The following PSMC1 variants were observed in gnomAD, a reference collection of about 807,000 sequenced individuals.
PSMC1 encodes the protein proteasome 26S subunit, ATPase 1.
PSMC1 carries 5 observed loss-of-function variants against 49.8 expected under a neutral mutation model. That is an observed-to-expected ratio of 0.10 (90% CI 0.05 to 0.21). The LOEUF (loss-of-function observed/expected upper bound fraction) is 0.21. PSMC1 is among the 10% of genes least tolerant of loss of function. PSMC1 has a pLI of 1.00. For synonymous variants in PSMC1, 155 were observed against 192.1 expected, an observed-to-expected ratio of 0.81 and a Z score of 1.60; for missense variants, 181 against 535.7, an observed-to-expected ratio of 0.34 and a Z score of 6.54.
At chr14:90,258,838 TC>T (rs1403455774) in intron 1 of PSMC1, among the ~76,000 whole-genome samples, 2 of 152,222 alleles carry the variant, frequency 1.3e-5, no homozygotes, top group Admixed American at 6.5e-5. Context: ...CTCCATATTT[TC>T]CCCTCAAGAG....
In PSMC1 at chr14:90,273,395, T is replaced by TAA. The variant is rs1364611802; in HGVS notation, c.*992_*993dup. 6.6e-6 allele frequency: 1 copy of TAA among 152,026 alleles called. No individual in the cohort carries two copies. Among genetic ancestry groups the TAA allele is most frequent in the Non-Finnish European group, 1.5e-5 (1 of 68,016 alleles). The allele number at this position is 152,026 out of a possible 1,614,324, so 9.4% of individuals were successfully genotyped here. A position where few individuals can be genotyped will look rare whatever the true frequency, so the allele number is the denominator to read the frequency against. ...CAACATGGTGAAACCCCATCTTTAC[T>TAA]AAAAATACAAAAATTAGCTGTGCGT... On this transcript the variant is annotated 3_prime_UTR_variant, in exon 11 of 11. Coordinates refer to ENST00000261303, the MANE Select transcript of PSMC1 (RefSeq NM_002802.3).
At chr14:90,266,668 A>G (rs3783838) in intron 7 of PSMC1, among the ~76,000 whole-genome samples, 54,301 of 152,098 alleles carry the variant, frequency 0.36, 10,195 homozygotes, top group East Asian at 0.51. Context: ...GACTGGACAA[A>G]CAAGTCTGTC....
At chr14:90,261,296 T>A (rs978809734) in intron 3 of PSMC1, among the ~76,000 whole-genome samples, 2 of 152,214 alleles carry the variant, frequency 1.3e-5, no homozygotes, top group African/African-American at 4.8e-5. Context: ...CTCATCTAAA[T>A]ATGCTCTTCC....
intron 9 of PSMC1, 186 bp downstream of exon 9, chr14:90,269,734 C>T (rs1279069548): frequency 9.4e-6 from 5 of 531,154 alleles, no homozygotes; most frequent in Non-Finnish European, 1.6e-5. Flanking sequence ...GGTCTGTGCA[C>T]CTTGGCCCTT....
Position 90,268,321 on chromosome 14 carries a change from G to T in PSMC1, c.789G>T (p.Gly263=). Residue 263 remains glycine (G), a synonymous_variant, in exon 8 of 11, where the codon GGG becomes GGT. Transcript: ENST00000261303. The stretch of plus-strand genomic sequence containing the variant: ...TTATTCAGAAGTACCTAGGTGATGG[G>T]CCCAAACTCGTACGGGAATTGTTCC... ...SELIQKYLGD[G]PKLVRELFRV... is the part of the protein sequence containing the mutation. 6.8e-6 allele frequency: 11 copies of T among 1,613,292 alleles called. No individual in the cohort carries two copies. Among genetic ancestry groups the T allele is most frequent in the Non-Finnish European group, 9.3e-6 (11 of 1,179,320 alleles).
chr14:90,260,281 G>C (rs1891372237), intron 3 of PSMC1, 70 bp downstream of exon 3: 1 of 1,126,458 alleles, frequency 8.9e-7, no homozygotes, highest in Non-Finnish European at 1.3e-6. Context: ...ATGTAGCTTA[G>C]AGTCTGAAAG....
At chr14:90,256,703 C>T in intron 1 of PSMC1, 103 bp downstream of exon 1, 8 of 1,508,262 alleles carry the variant, frequency 5.3e-6, no homozygotes, top group Non-Finnish European at 7.2e-6. Context: ...CTGGGACAGC[C>T]CTCTTCTCCT....
chr14:90,274,986 G>A lies in PSMC1; in HGVS notation c.*2579G>A, dbSNP rs1336913395. ...CACCGTCTTCACCAAGTGGTCAAATGCACATCATCAGTAATGGGCACTTTG... is the reference window on the plus strand; with the variant it reads ...CACCGTCTTCACCAAGTGGTCAAATACACATCATCAGTAATGGGCACTTTG... On this transcript the variant is annotated 3_prime_UTR_variant, in exon 11 of 11. Coordinates refer to ENST00000261303, the MANE Select transcript of PSMC1 (RefSeq NM_002802.3). 3 of 152,252 alleles carry A rather than the reference G, an allele frequency of 2.0e-5. No individual in the cohort carries two copies. The highest frequency in any genetic ancestry group is 2.0e-4 in the Admixed American group (3 of 15,270). The allele number at this position is 152,252 out of a possible 1,614,324, so 9.4% of individuals were successfully genotyped here. A position where few individuals can be genotyped will look rare whatever the true frequency, so the allele number is the denominator to read the frequency against.
intron 7 of PSMC1, among the ~76,000 whole-genome samples, chr14:90,265,860 A>G (rs1297935175): frequency 7.3e-6 from 1 of 137,392 alleles, no homozygotes; most frequent in Non-Finnish European, 1.6e-5. Flanking sequence ...CCCTGTCTGA[A>G]AAAAAGAAAA....
Position 90,272,202 on chromosome 14 carries a change from G to C in PSMC1, c.1189-71G>C. On this transcript the variant is annotated intron_variant, in intron 10 of 10. Coordinates refer to ENST00000261303, the MANE Select transcript of PSMC1 (RefSeq NM_002802.3). The surrounding 1 kb of genome is among the most constrained non-coding windows in gnomAD (Gnocchi z 4.5). ...AGCCACCGCGCCTGGCCTCAGAATA[G>C]GTTTTTTGGAATTCCTTGTTAGAAT... 4.5e-6 allele frequency: 7 copies of C among 1,570,038 alleles called. No individual in the cohort carries two copies. The highest frequency in any genetic ancestry group is 6.0e-6 in the Non-Finnish European group (7 of 1,159,628).
At chr14:90,263,255 A>G in intron 3 of PSMC1, 63 bp from the exon 4 acceptor site, 1 of 1,494,970 alleles carries the variant, frequency 6.7e-7, no homozygotes, top group South Asian at 1.3e-5. Flanking sequence ...AAATCTTAAT[A>G]TTTTTTCCTT....
At position 90,274,246 on chromosome 14, in the gene PSMC1, G is replaced by C. The variant is rs1202695619; in HGVS notation, c.*1839G>C. 6.4e-6 allele frequency: 1 copy of C among 155,698 alleles called. No homozygotes were observed. The highest frequency in any genetic ancestry group is 1.5e-5 in the Non-Finnish European group (1 of 68,720). The allele number at this position is 155,698 out of a possible 1,614,324, so 9.6% of individuals were successfully genotyped here. A position where few individuals can be genotyped will look rare whatever the true frequency, so the allele number is the denominator to read the frequency against. The stretch of plus-strand genomic sequence containing the variant: ...GGTGAGGCTGGCATCCGTGTGGGGT[G>C]TATGTGCAGGGCTGGGGTGGTCCGA... On this transcript the variant is annotated 3_prime_UTR_variant, in exon 11 of 11. Transcript: ENST00000261303.
Position 90,256,591 on chromosome 14 carries a change from A to G in PSMC1, c.-7A>G. 4 of 1,589,608 alleles carry G rather than the reference A, an allele frequency of 2.5e-6. No homozygotes were observed. Among genetic ancestry groups the G allele is most frequent in the Non-Finnish European group, 2.6e-6 (3 of 1,167,944 alleles). ...CCGGCAGCGGCAGCTCAAGTGGCCA[A>G]GGCAAGATGGTGAGTGACTAAGGGT... On this transcript the variant is annotated 5_prime_UTR_variant, in exon 1 of 11. Transcript: ENST00000261303.
chr14:90,271,744 C>T (rs1272396156), intron 10 of PSMC1: 1 of 152,378 alleles, frequency 6.6e-6, no homozygotes, highest in South Asian at 2.1e-4. Context: ...ACCCTTGGGT[C>T]AGTCTTAGTT....
rs1231266123 is a variant in PSMC1 at position 90,273,843 on chromosome 14, C to T, written c.*1436C>T. On this transcript the variant is annotated 3_prime_UTR_variant, in exon 11 of 11. Transcript: ENST00000261303. Reference sequence around the variant, plus strand: ...TCCTGACTCGTGGCACTTCATTTTCCACCAGCAGCAGCAGGCCCAGTCCCT... The same window carrying T: ...TCCTGACTCGTGGCACTTCATTTTCTACCAGCAGCAGCAGGCCCAGTCCCT... 1 of 154,956 alleles carries T rather than the reference C, an allele frequency of 6.5e-6. No individual in the cohort carries two copies. The highest frequency in any genetic ancestry group is 1.5e-5 in the Non-Finnish European group (1 of 68,334). 9.6% of individuals were successfully genotyped at this position (154,956 alleles called of 1,614,324 possible). A position where few individuals can be genotyped will look rare whatever the true frequency, so the allele number is the denominator to read the frequency against.
intron 4 of PSMC1, 51 bp downstream of exon 4, chr14:90,263,493 A>T: frequency 6.6e-7 from 1 of 1,513,210 alleles, no homozygotes; most frequent in Non-Finnish European, 8.9e-7. Flanking sequence ...GAATTCTATA[A>T]AATTGTCAAC....
intron 7 of PSMC1, among the ~76,000 whole-genome samples, chr14:90,266,957 C>T (rs1446746342): frequency 6.6e-6 from 1 of 152,130 alleles, no homozygotes; most frequent in East Asian, 1.9e-4. Context: ...AGCTAGCCAC[C>T]TCCACACTCC....
chr14:90,261,468 ACCAG>A (rs1891396451), intron 3 of PSMC1, among the ~76,000 whole-genome samples: 1 of 152,160 alleles, frequency 6.6e-6, no homozygotes, highest in African/African-American at 2.4e-5. Flanking sequence ...GAAGTCCAAA[ACCAG>A]TCATGTTACA....
rs541099435 is a variant in PSMC1, at chr14:90,274,917, T to A, written c.*2510T>A. ...ATTTTGAGAGTCTGCCACAAAACAC[T>A]GTTCAGTTAGAAAGGGAAAGTCACA... is the stretch of plus-strand genomic sequence containing the variant. On this transcript the variant is annotated 3_prime_UTR_variant, in exon 11 of 11. Transcript: ENST00000261303. 1 of 151,784 alleles carries A rather than the reference T, an allele frequency of 6.6e-6. No individual in the cohort carries two copies. Among genetic ancestry groups the A allele is most frequent in the Non-Finnish European group, 1.5e-5 (1 of 68,040 alleles). The allele number at this position is 151,784 out of a possible 1,614,324, so 9.4% of individuals were successfully genotyped here. A position where few individuals can be genotyped will look rare whatever the true frequency, so the allele number is the denominator to read the frequency against.
Sources: gnomAD v4.1 joint callset for allele counts (sites outside exome capture counted in the v4.1 genomes callset) on GRCh38, gnomAD v4.1.1 for gene constraint, Gnocchi (gnomAD v3.1) non-coding constraint, MANE v1.5 for transcripts, NCBI Gene and HGNC (gene_info 2026-07-23, HGNC 2026-07-21) for gene names.